COBL: variants seen among roughly 807,000 people sequenced by gnomAD.
COBL encodes protein cordon-bleu.
Under a neutral mutation model 98.8 loss-of-function variants are expected in COBL, and 51 were observed. That is an observed-to-expected ratio of 0.52 (90% confidence interval 0.41 to 0.65). The LOEUF is 0.65. Among genes scored for constraint, COBL ranks in the 30% least tolerant of loss-of-function variants. The probability of loss-of-function intolerance (pLI) is 0.00; values close to 1 mark genes in which losing one functional copy is unlikely to be tolerated. For missense variants in COBL, 1,617 were observed against 1,617.5 expected, an observed-to-expected ratio of 1.00 and a Z score of 0.01; for synonymous variants, 634 against 651.7, an observed-to-expected ratio of 0.97 and a Z score of 0.41.
chr7:51,021,327 CT>C (rs1244437111), intron 12 of COBL: 1 of 152,180 alleles, frequency 6.6e-6, no homozygotes, highest in Non-Finnish European at 1.5e-5. Flanking sequence ...AAAAAAATTT[CT>C]TTTATTATTT....
intron 8 of COBL, chr7:51,032,756 A>T (rs1788283124): frequency 6.6e-6 from 1 of 152,214 alleles, no homozygotes; most frequent in African/African-American, 2.4e-5. Flanking sequence ...AATTATTTGA[A>T]TGCACTTTAC....
At chr7:51,099,164 G>A (rs1562909670) in intron 6 of COBL, among the ~76,000 whole-genome samples, 2 of 151,106 alleles carry the variant, frequency 1.3e-5, no homozygotes, top group Non-Finnish European at 2.9e-5. Flanking sequence ...TGCATTGTTA[G>A]TAGGAATGTG....
chr7:51,118,399 T>A (rs1460174335), intron 6 of COBL, among the ~76,000 whole-genome samples: 1 of 152,018 alleles, frequency 6.6e-6, no homozygotes, highest in African/African-American at 2.4e-5. Flanking sequence ...GTGGGGTTGT[T>A]GAAAATTGCT....
intron 1 of COBL, among the ~76,000 whole-genome samples, chr7:51,236,774 T>C (rs1795295416): frequency 6.6e-6 from 1 of 152,144 alleles, no homozygotes. Flanking sequence ...AATAATGTGG[T>C]CAAGGCATCT....
At chr7:51,144,569 C>A (rs1458369488) in intron 5 of COBL, among the ~76,000 whole-genome samples, 3 of 152,180 alleles carry the variant, frequency 2.0e-5, no homozygotes, top group Non-Finnish European at 4.4e-5. Context: ...ACCGTGTTAG[C>A]CATTTTAAAG....
At chr7:51,203,355 G>A (rs1405725565) in intron 2 of COBL, among the ~76,000 whole-genome samples, 2 of 137,822 alleles carry the variant, frequency 1.5e-5, no homozygotes, top group East Asian at 2.1e-4. Flanking sequence ...CCAGCTACTC[G>A]GGAGGCTGAG....
intron 5 of COBL, among the ~76,000 whole-genome samples, chr7:51,174,897 C>T (rs777179069): frequency 9.2e-5 from 14 of 152,104 alleles, no homozygotes; most frequent in South Asian, 2.1e-4. Context: ...TTTTTTAGGC[C>T]GACATATCTG....
chr7:51,311,178 A>G (rs2129218803), intron 1 of COBL, among the ~76,000 whole-genome samples: 1 of 152,308 alleles, frequency 6.6e-6, no homozygotes, highest in South Asian at 2.1e-4. Flanking sequence ...TTTTTAATAG[A>G]AATGTTTTTA....
In COBL at chr7:51,282,260, A is replaced by G. The variant is rs575093668; in HGVS notation, c.41+34333T>C. Among the ~76,000 whole-genome samples the G allele has an allele frequency of 5.3e-5, 8 of 152,244 alleles. No individual in the cohort carries two copies. In the South Asian group the frequency reaches 1.2e-3, roughly 24 times the overall value. On this transcript the variant is annotated intron_variant, in intron 1 of 12. Transcript: ENST00000265136. Reference sequence around the variant, plus strand: ...TGTAACGTAATAGTTTAATATAATTATTTAATGTAAATGGTCTAAACAATC... The same window carrying G: ...TGTAACGTAATAGTTTAATATAATTGTTTAATGTAAATGGTCTAAACAATC...
At chr7:51,308,393 C>T (rs576915785) in intron 1 of COBL, among the ~76,000 whole-genome samples, 3 of 152,270 alleles carry the variant, frequency 2.0e-5, no homozygotes, top group East Asian at 1.9e-4. Context: ...TAACTTCACG[C>T]CCACTCTCAC....
intron 2 of COBL, among the ~76,000 whole-genome samples, chr7:51,197,502 G>T (rs911135195): frequency 6.6e-6 from 1 of 152,108 alleles, no homozygotes; most frequent in African/African-American, 2.4e-5. Flanking sequence ...GTTGTTTTAG[G>T]ATGAAAAGTT....
chr7:51,100,930 C>CA lies in COBL; in HGVS notation c.958-15627dup, dbSNP rs1014872717. Among the ~76,000 whole-genome samples, 620 of 150,294 alleles carry CA rather than the reference C, an allele frequency of 4.1e-3. 7 individuals are homozygous for CA. The highest frequency in any genetic ancestry group is 0.013 in the African/African-American group (534 of 40,914). ...ATAAGAAACAAAAAAAAAACAACAA[C>CA]AAAAAAAAACGCAGCAGCAGCTCTT... On this transcript the variant is annotated intron_variant, in intron 6 of 12. Transcript: ENST00000265136.
intron 5 of COBL, among the ~76,000 whole-genome samples, chr7:51,182,653 G>GA (rs908552636): frequency 3.1e-5 from 1 of 31,828 alleles, no homozygotes; most frequent in Non-Finnish European, 1.3e-4. Context: ...AGGGAGAGTA[G>GA]GGGGGAAGAG....
chr7:51,028,863 T>C lies in COBL; in HGVS notation c.2233A>G (p.Thr745Ala). 6.2e-7 allele frequency: 1 copy of C among 1,614,210 alleles called. No homozygotes were observed. Among genetic ancestry groups the C allele is most frequent in the Non-Finnish European group, 8.5e-7 (1 of 1,180,036 alleles). ...ELGNLVSPHA[T>A]GIRIISLSSS... is the part of the protein sequence containing the mutation. ...GACAGGGAAATGATCCTGATGCCGG[T>C]GGCGTGAGGACTCACCAAGTTCCCC... The change falls in exon 10 of 13, where the codon ACC becomes GCC. Residue 745 changes from threonine (T) to alanine (A), a missense_variant. By Grantham distance (58) the Thr-to-Ala change is moderately conservative (BLOSUM62 0). Transcript: ENST00000265136.
intron 1 of COBL, among the ~76,000 whole-genome samples, chr7:51,240,049 T>G (rs1158806908): frequency 6.6e-6 from 1 of 152,220 alleles, no homozygotes; most frequent in Non-Finnish European, 1.5e-5. Context: ...TTTTTATATA[T>G]TACAAAATAT....
At chr7:51,123,215 G>C (rs933772912) in intron 6 of COBL, among the ~76,000 whole-genome samples, 8 of 152,284 alleles carry the variant, frequency 5.3e-5, no homozygotes, top group South Asian at 2.1e-4. Flanking sequence ...GAGCAAAACT[G>C]ACAGATATAT....
At chr7:51,134,752 G>C (rs774836858) in intron 6 of COBL, among the ~76,000 whole-genome samples, 4 of 152,122 alleles carry the variant, frequency 2.6e-5, no homozygotes, top group Non-Finnish European at 4.4e-5. Context: ...AAAAAGTTCA[G>C]AATCTACATC....
chr7:51,267,450 C>A (rs1311076122), intron 1 of COBL, among the ~76,000 whole-genome samples: 1 of 151,856 alleles, frequency 6.6e-6, no homozygotes, highest in Non-Finnish European at 1.5e-5. Context: ...GCCTCTACTT[C>A]CATTTTCATA....
intron 8 of COBL, among the ~76,000 whole-genome samples, chr7:51,040,756 C>T (rs754509461): frequency 2.0e-4 from 31 of 152,152 alleles, no homozygotes; most frequent in Non-Finnish European, 4.1e-4. Context: ...GAGATGAGGG[C>T]AGGAAAACAC....
Sources: gnomAD v4.1 joint callset for allele counts (sites outside exome capture counted in the v4.1 genomes callset) on GRCh38, gnomAD v4.1.1 for gene constraint, MANE v1.5 for transcripts, NCBI Gene and HGNC (gene_info 2026-07-23, HGNC 2026-07-21) for gene names.